C8orf34: variants seen among roughly 807,000 people sequenced by gnomAD.
The protein encoded by C8orf34 is uncharacterized protein C8orf34.
A neutral mutation model predicts 68.3 loss-of-function variants in C8orf34; 65 were observed. The observed-to-expected ratio is 0.95, with a 90% confidence interval of 0.78 to 1.17. The LOEUF (loss-of-function observed/expected upper bound fraction) is 1.17, where lower values mean the gene tolerates loss of function less well. Ranked by LOEUF, C8orf34 falls within the 50% of genes most tolerant of loss-of-function variation. The pLI, the probability that C8orf34 is intolerant of heterozygous loss-of-function variation, is 0.00. For missense variants in C8orf34, 664 were observed against 655.4 expected (o/e 1.01, Z -0.14); for synonymous variants, 244 against 241.2 (o/e 1.01, Z -0.11).
chr8:68,592,770 G>A (rs571937212), intron 7 of C8orf34, among the ~76,000 whole-genome samples: 34 of 151,374 alleles, frequency 2.2e-4, no homozygotes, highest in African/African-American at 6.8e-4. Flanking sequence ...CACCACACCC[G>A]GCTAAATTTT....
chr8:68,655,821 T>C (rs1819496467), intron 8 of C8orf34, among the ~76,000 whole-genome samples: 1 of 152,186 alleles, frequency 6.6e-6, no homozygotes, highest in African/African-American at 2.4e-5. Context: ...CCTGTGTTTA[T>C]CAATTATAAG....
chr8:68,522,094 G>T, intron 6 of C8orf34, 123 bp downstream of exon 6: 1 of 817,832 alleles, frequency 1.2e-6, no homozygotes, highest in Non-Finnish European at 1.9e-6. Context: ...AATTATGTTA[G>T]TCTATACATA....
intron 9 of C8orf34, 109 bp downstream of exon 9, chr8:68,709,188 C>A: frequency 1.3e-6 from 1 of 778,828 alleles, no homozygotes; most frequent in Non-Finnish European, 2.2e-6. Context: ...GAATTCACTG[C>A]AGCTGCACGT....
At chr8:68,533,389 C>T in intron 7 of C8orf34, 4 of 1,198,960 alleles carry the variant, frequency 3.3e-6, no homozygotes, top group Non-Finnish European at 4.1e-6. Context: ...TGCACTTTAC[C>T]TTCTGACTAC....
intron 12 of C8orf34, among the ~76,000 whole-genome samples, chr8:68,789,288 C>A (rs537445281): frequency 6.6e-6 from 1 of 152,222 alleles, no homozygotes; most frequent in Non-Finnish European, 1.5e-5. Context: ...GTGGGCAAAA[C>A]TGGTAAACAA....
chr8:68,691,278 A>G (rs1474389601), intron 8 of C8orf34, among the ~76,000 whole-genome samples: 2 of 152,056 alleles, frequency 1.3e-5, no homozygotes. Context: ...TGCTCACTTC[A>G]TGTCTCTGTG....
chr8:68,561,661 G>A (rs1367217052), intron 7 of C8orf34, among the ~76,000 whole-genome samples: 1 of 152,146 alleles, frequency 6.6e-6, no homozygotes, highest in Non-Finnish European at 1.5e-5. Context: ...GGGAGGCTGA[G>A]GCAGGAGAAT....
At chr8:68,706,602 T>TA (rs1284114791) in intron 8 of C8orf34, among the ~76,000 whole-genome samples, 1 of 152,204 alleles carries the variant, frequency 6.6e-6, no homozygotes, top group African/African-American at 2.4e-5. Context: ...ACACTGGACT[T>TA]ACAGATATCT....
At chr8:68,417,345 A>G (rs902482877) in intron 1 of C8orf34, among the ~76,000 whole-genome samples, 2 of 152,088 alleles carry the variant, frequency 1.3e-5, no homozygotes, top group Admixed American at 1.3e-4. Flanking sequence ...TGGACCATAT[A>G]TTGCCGTTTG....
At chr8:68,350,716 G>A in intron 1 of C8orf34, among the ~76,000 whole-genome samples, 1 of 151,910 alleles carries the variant, frequency 6.6e-6, no homozygotes, top group Admixed American at 6.6e-5. Flanking sequence ...GATGTTTGTT[G>A]GTTTGAAATC....
At chr8:68,781,056 G>T (rs1039992028) in intron 11 of C8orf34, among the ~76,000 whole-genome samples, 1 of 152,158 alleles carries the variant, frequency 6.6e-6, no homozygotes, top group African/African-American at 2.4e-5. Flanking sequence ...CATTTTGAAA[G>T]ATAGAAACTG....
chr8:68,630,854 A>G (rs937911138), intron 7 of C8orf34, among the ~76,000 whole-genome samples: 2 of 151,780 alleles, frequency 1.3e-5, no homozygotes, highest in African/African-American at 4.8e-5. Flanking sequence ...ATCAGAGCTC[A>G]CTGCAGCCTC....
At chr8:68,713,845 A>G (rs1448002507) in intron 9 of C8orf34, among the ~76,000 whole-genome samples, 2 of 152,148 alleles carry the variant, frequency 1.3e-5, no homozygotes, top group Non-Finnish European at 2.9e-5. Flanking sequence ...ACACGAAAAG[A>G]AAACTACAGA....
chr8:68,522,597 G>A (rs1027841153), intron 6 of C8orf34, among the ~76,000 whole-genome samples: 2 of 152,134 alleles, frequency 1.3e-5, no homozygotes, highest in African/African-American at 4.8e-5. Flanking sequence ...TACTTTACGT[G>A]CCCATGTGCT....
intron 9 of C8orf34, 148 bp downstream of exon 9, chr8:68,709,227 G>T: frequency 1.5e-6 from 1 of 651,744 alleles, no homozygotes. Flanking sequence ...ACACTCCTTG[G>T]GGCTGTTTGT....
intron 8 of C8orf34, among the ~76,000 whole-genome samples, 181 bp downstream of exon 8, chr8:68,640,692 CCAA>C (rs1334176606): frequency 6.6e-6 from 1 of 152,188 alleles, no homozygotes; most frequent in African/African-American, 2.4e-5. Flanking sequence ...GCCACTCAGA[CCAA>C]CAATGAATCA....
intron 8 of C8orf34, among the ~76,000 whole-genome samples, chr8:68,695,373 C>T (rs1820801327): frequency 6.6e-6 from 1 of 151,908 alleles, no homozygotes; most frequent in African/African-American, 2.4e-5. Context: ...GGTCTTGAAC[C>T]TCTGACCTCA....
rs61086279 is a variant in C8orf34, at chr8:68,638,571, C to CTATGTTTG, written c.1106-1804_1106-1797dup. Among the ~76,000 whole-genome samples the CTATGTTTG allele has an allele frequency of 2.2e-3, 342 of 152,068 alleles. 2 individuals carry two copies. The highest frequency in any genetic ancestry group is 7.7e-3 in the African/African-American group (320 of 41,474). The stretch of plus-strand genomic sequence containing the variant: ...TCTAAAAGTGTTTTAAACATCTTCT[C>CTATGTTTG]TATGTTTGATGGAGGTTCTAGCAGA... On this transcript the variant is annotated intron_variant, in intron 7 of 13. Coordinates refer to ENST00000518698, the MANE Select transcript of C8orf34 (RefSeq NM_052958.4).
At chr8:68,586,180 A>G (rs557682792) in intron 7 of C8orf34, among the ~76,000 whole-genome samples, 1 of 152,310 alleles carries the variant, frequency 6.6e-6, no homozygotes, top group Non-Finnish European at 1.5e-5. Context: ...GAGGGGGAGA[A>G]AAAGCCTCAA....
Sources: gnomAD v4.1 joint callset for allele counts (sites outside exome capture counted in the v4.1 genomes callset) on GRCh38, gnomAD v4.1.1 for gene constraint, MANE v1.5 for transcripts, NCBI Gene and HGNC (gene_info 2026-07-23, HGNC 2026-07-21) for gene names.